Variants in RAB2A observed in about 807,000 individuals in gnomAD.
RAB2A encodes ras-related protein Rab-2A.
A neutral mutation model predicts 32.5 loss-of-function variants in RAB2A; 7 were observed. The ratio of observed to expected loss-of-function variants is 0.22; its 90% CI spans 0.12 to 0.40. The LOEUF (loss-of-function observed/expected upper bound fraction) is 0.40, where lower values mean the gene tolerates loss of function less well. RAB2A is among the 10% of genes least tolerant of loss of function. The pLI is 1.00. For missense variants in RAB2A, 108 were observed against 260.7 expected, an observed-to-expected ratio of 0.41 and a Z score of 4.03; for synonymous variants, 79 against 85.2, an observed-to-expected ratio of 0.93 and a Z score of 0.40.
rs1196338704 is a variant in RAB2A at position 60,606,384 on chromosome 8, G to A, written c.475-12196G>A. Among the ~76,000 whole-genome samples, 5 of 152,130 alleles carry A rather than the reference G, an allele frequency of 3.3e-5. No individual in the cohort carries two copies. The East Asian group carries it at 9.6e-4, about 29-fold the overall frequency. On this transcript the variant is annotated intron_variant, in intron 6 of 7. Transcript: ENST00000262646. ...ACAGTGAATACTCTTAAATATTTTA[G>A]TATCTGTCCAGATGATATTGGTACC...
intron 6 of RAB2A, among the ~76,000 whole-genome samples, chr8:60,607,557 T>C (rs1012448466): frequency 6.6e-6 from 1 of 152,084 alleles, no homozygotes; most frequent in Non-Finnish European, 1.5e-5. Context: ...GATTATGTCA[T>C]GAGCCACCAT....
At chr8:60,589,516 A>G (rs1288084195) in intron 5 of RAB2A, among the ~76,000 whole-genome samples, 2 of 152,188 alleles carry the variant, frequency 1.3e-5, no homozygotes, top group Non-Finnish European at 2.9e-5. Flanking sequence ...TTTTCTTACT[A>G]TGGCATTTTA....
At position 60,584,048 on chromosome 8, in the gene RAB2A, G is replaced by A. The variant is rs1380300493; in HGVS notation, c.187-160G>A. 1.2e-5 allele frequency: 7 copies of A among 590,236 alleles called. No homozygotes were observed. The East Asian group carries it at 1.8e-4, about 15-fold the overall frequency. 36.6% of individuals were successfully genotyped at this position (590,236 alleles called of 1,614,324 possible). A position where few individuals can be genotyped will look rare whatever the true frequency, so the allele number is the denominator to read the frequency against. On this transcript the variant is annotated intron_variant, in intron 3 of 7. Transcript: ENST00000262646. ...TTGACTTGAGCAATCTTGAGCAATA[G>A]CGGTGTTTTGTAACTTTTTCCTAAG...
chr8:60,547,702 G>A (rs1807761125), intron 1 of RAB2A, among the ~76,000 whole-genome samples: 1 of 122,312 alleles, frequency 8.2e-6, no homozygotes, highest in Non-Finnish European at 1.8e-5. Flanking sequence ...CGGGCGGGGG[G>A]GCTGACCCCC....
Position 60,621,117 on chromosome 8 carries a change from C to A in RAB2A, c.*348C>A, listed in dbSNP as rs966963624. The A allele has an allele frequency of 1.6e-5, 3 of 183,170 alleles. No homozygotes were observed. The highest frequency in any genetic ancestry group is 2.4e-5 in the African/African-American group (1 of 42,208). The allele number at this position is 183,170 out of a possible 1,614,324, so 11.3% of individuals were successfully genotyped here. A position where few individuals can be genotyped will look rare whatever the true frequency, so the allele number is the denominator to read the frequency against. On this transcript the variant is annotated 3_prime_UTR_variant, in exon 8 of 8. Coordinates refer to ENST00000262646, the MANE Select transcript of RAB2A (RefSeq NM_002865.3). ...TTTGTGTAGTTAGGTTTCCCAACATCTGTGGTTACCTAATGTTTAATATTA... is the reference window on the plus strand; with the variant it reads ...TTTGTGTAGTTAGGTTTCCCAACATATGTGGTTACCTAATGTTTAATATTA...
At chr8:60,620,013 G>A (rs1804503991) in intron 7 of RAB2A, among the ~76,000 whole-genome samples, 1 of 152,244 alleles carries the variant, frequency 6.6e-6, no homozygotes, top group African/African-American at 2.4e-5. Flanking sequence ...CAGAACAACT[G>A]CCAAGCACTA....
At chr8:60,599,046 C>G (rs1804084840) in intron 6 of RAB2A, among the ~76,000 whole-genome samples, 1 of 147,534 alleles carries the variant, frequency 6.8e-6, no homozygotes, top group East Asian at 2.0e-4. Flanking sequence ...TAGGAAATCT[C>G]AAGGGATTTG....
intron 1 of RAB2A, among the ~76,000 whole-genome samples, chr8:60,538,298 T>C (rs1276467413): frequency 6.6e-6 from 1 of 152,222 alleles, no homozygotes; most frequent in Non-Finnish European, 1.5e-5. Context: ...ACCCTCAACT[T>C]TACCAAATTA....
At chr8:60,568,860 A>G (rs1808155702) in intron 2 of RAB2A, among the ~76,000 whole-genome samples, 1 of 152,250 alleles carries the variant, frequency 6.6e-6, no homozygotes, top group East Asian at 1.9e-4. Flanking sequence ...AAAGGCATAG[A>G]GAATAACAAT....
intron 6 of RAB2A, among the ~76,000 whole-genome samples, chr8:60,616,919 G>A (rs1443244675): frequency 6.6e-6 from 1 of 152,158 alleles, no homozygotes; most frequent in African/African-American, 2.4e-5. Flanking sequence ...AAGCTCTGAT[G>A]GCAAGTTCAG....
chr8:60,614,285 G>A (rs1804411962), intron 6 of RAB2A, among the ~76,000 whole-genome samples: 1 of 147,604 alleles, frequency 6.8e-6, no homozygotes, highest in Admixed American at 6.9e-5. Flanking sequence ...ATGGAGATTT[G>A]AGCCATTGGG....
In RAB2A at chr8:60,532,829, C is replaced by T. The variant is rs562875563; in HGVS notation, c.46+15576C>T. On this transcript the variant is annotated intron_variant, in intron 1 of 7. Transcript: ENST00000262646. Reference sequence around the variant, plus strand: ...TCAGCCAGCTACATGAATTTTCAACCGGTTTAAGAACTGTATCCATAAAGG... The same window carrying T: ...TCAGCCAGCTACATGAATTTTCAACTGGTTTAAGAACTGTATCCATAAAGG... Among the ~76,000 whole-genome samples the T allele has an allele frequency of 2.4e-4, 37 of 152,280 alleles. 1 individual carries two copies. Among genetic ancestry groups the T allele is most frequent in the South Asian group, 8.3e-4 (4 of 4,822 alleles).
chr8:60,575,563 G>A (rs1488445369), intron 3 of RAB2A, among the ~76,000 whole-genome samples: 4 of 151,562 alleles, frequency 2.6e-5, no homozygotes, highest in African/African-American at 9.7e-5. Flanking sequence ...CCATCCTAGA[G>A]TCCTTCAAGG....
chr8:60,575,215 C>A (rs1808254573), intron 3 of RAB2A, among the ~76,000 whole-genome samples: 1 of 151,442 alleles, frequency 6.6e-6, no homozygotes, highest in Non-Finnish European at 1.5e-5. Flanking sequence ...CCTCCCACGT[C>A]AGCCTCTTGA....
At chr8:60,562,582 T>C (rs929160736) in intron 2 of RAB2A, among the ~76,000 whole-genome samples, 10 of 152,336 alleles carry the variant, frequency 6.6e-5, no homozygotes, top group Non-Finnish European at 1.3e-4. Context: ...AAATGTGCTC[T>C]ATACATTCAC....
chr8:60,539,203 C>T (rs1807601370), intron 1 of RAB2A, among the ~76,000 whole-genome samples: 1 of 152,086 alleles, frequency 6.6e-6, no homozygotes, highest in Non-Finnish European at 1.5e-5. Flanking sequence ...TGTTACTGCT[C>T]CTGAGGAGTA....
intron 1 of RAB2A, among the ~76,000 whole-genome samples, chr8:60,539,702 G>A (rs1807610404): frequency 2.0e-5 from 3 of 152,302 alleles, no homozygotes; most frequent in African/African-American, 7.2e-5. Flanking sequence ...TCTGACTGAG[G>A]AACTGGAAGA....
At chr8:60,532,604 G>A (rs1426489948) in intron 1 of RAB2A, among the ~76,000 whole-genome samples, 2 of 152,190 alleles carry the variant, frequency 1.3e-5, no homozygotes, top group Admixed American at 6.5e-5. Flanking sequence ...TCTGTCTCCC[G>A]GGCTCAAGTG....
At chr8:60,565,117 T>G (rs948322754) in intron 2 of RAB2A, among the ~76,000 whole-genome samples, 1 of 152,204 alleles carries the variant, frequency 6.6e-6, no homozygotes, top group African/African-American at 2.4e-5. Flanking sequence ...TCCCACTTCC[T>G]TAAACCAGTC....
Sources: allele counts gnomAD v4.1 joint callset (sites outside exome capture counted in the v4.1 genomes callset), GRCh38; gene constraint gnomAD v4.1.1; transcripts MANE v1.5; gene names NCBI Gene and HGNC (gene_info 2026-07-23, HGNC 2026-07-21).